ZGRF1: variants seen among roughly 807,000 people sequenced by gnomAD.
ZGRF1 encodes the protein 5'-3' DNA helicase ZGRF1.
In ZGRF1, 196 loss-of-function variants were observed where a neutral mutation model predicts 203.5. The observed-to-expected ratio is 0.96, with a 90% CI of 0.86 to 1.08. ZGRF1 has a LOEUF of 1.08. Among genes scored for constraint, ZGRF1 ranks in the 50% least tolerant of loss-of-function variants. The probability of loss-of-function intolerance (pLI) is 0.00; values close to 1 mark genes in which losing one functional copy is unlikely to be tolerated. For missense variants in ZGRF1, 2,326 were observed against 2,416.3 expected (o/e 0.96, Z 0.78); for synonymous variants, 809 against 841.3 (o/e 0.96, Z 0.66).
chr4:112,568,153 A>G (rs1743479097), intron 16 of ZGRF1, among the ~76,000 whole-genome samples: 1 of 152,124 alleles, frequency 6.6e-6, no homozygotes, highest in South Asian at 2.1e-4. Flanking sequence ...AAGTGCTAAT[A>G]TTTAAATAAT....
intron 6 of ZGRF1, among the ~76,000 whole-genome samples, chr4:112,614,623 C>G (rs1321702546): frequency 6.6e-6 from 1 of 152,072 alleles, no homozygotes; most frequent in East Asian, 1.9e-4. Context: ...GAGGTCAGTT[C>G]AAACCAGCCT....
At chr4:112,619,960 A>T (rs551665563) in intron 5 of ZGRF1, 42 bp downstream of exon 5, 1 of 1,433,262 alleles carries the variant, frequency 7.0e-7, no homozygotes, top group African/African-American at 1.5e-5. Context: ...AGACAATTTT[A>T]TAAATATATT....
intron 18 of ZGRF1, among the ~76,000 whole-genome samples, chr4:112,561,709 G>C (rs1206431541): frequency 2.0e-5 from 3 of 151,804 alleles, no homozygotes; most frequent in African/African-American, 7.3e-5. Context: ...AAAATCAGTA[G>C]CAATATACAC....
chr4:112,570,238 TA>T (rs35679160), intron 16 of ZGRF1, among the ~76,000 whole-genome samples: 1 of 150,746 alleles, frequency 6.6e-6, no homozygotes, highest in African/African-American at 2.4e-5. Context: ...ACTATGCCAT[TA>T]AAAAAAAACC....
intron 10 of ZGRF1, among the ~76,000 whole-genome samples, chr4:112,601,584 A>AC (rs1749986871): frequency 6.6e-6 from 1 of 151,458 alleles, no homozygotes; most frequent in African/African-American, 2.4e-5. Flanking sequence ...AAAAAAAAAA[A>AC]AAAATTAGCT....
intron 24 of ZGRF1, among the ~76,000 whole-genome samples, chr4:112,542,854 T>G (rs933556943): frequency 6.6e-6 from 1 of 151,714 alleles, no homozygotes; most frequent in Non-Finnish European, 1.5e-5. Context: ...GTCAGGATCC[T>G]GCTCTGTTGC....
At chr4:112,568,205 G>A (rs1743485927) in intron 16 of ZGRF1, among the ~76,000 whole-genome samples, 1 of 151,810 alleles carries the variant, frequency 6.6e-6, no homozygotes, top group Non-Finnish European at 1.5e-5. Flanking sequence ...AGATAAATAG[G>A]AAGCTTATTT....
intron 16 of ZGRF1, among the ~76,000 whole-genome samples, chr4:112,575,219 T>C (rs1033656406): frequency 1.3e-5 from 2 of 152,220 alleles, no homozygotes; most frequent in Non-Finnish European, 2.9e-5. Context: ...TACTTACTTA[T>C]ATGATTCCAA....
chr4:112,541,352 A>T, intron 24 of ZGRF1, 84 bp from the exon 25 acceptor site: 5 of 687,560 alleles, frequency 7.3e-6, no homozygotes, highest in Admixed American at 3.0e-5. Flanking sequence ...AATTAAAAAT[A>T]TCGCTATATT....
At chr4:112,634,595 G>A (rs2047518916) in intron 1 of ZGRF1, among the ~76,000 whole-genome samples, 1 of 151,946 alleles carries the variant, frequency 6.6e-6, no homozygotes, top group South Asian at 2.1e-4. Context: ...AGGCTGCAGT[G>A]AGCCGAGATC....
chr4:112,621,815 C>G (rs1204719786), intron 4 of ZGRF1, among the ~76,000 whole-genome samples: 1 of 151,644 alleles, frequency 6.6e-6, no homozygotes, highest in Non-Finnish European at 1.5e-5. Flanking sequence ...GAACCTCCGC[C>G]TCCCAGGTTC....
intron 19 of ZGRF1, among the ~76,000 whole-genome samples, chr4:112,559,494 T>TG (rs1251642338): frequency 6.6e-6 from 1 of 152,156 alleles, no homozygotes; most frequent in Non-Finnish European, 1.5e-5. Context: ...GGCCAAGCAA[T>TG]GGGTTTGACT....
intron 3 of ZGRF1, among the ~76,000 whole-genome samples, chr4:112,625,712 C>G (rs1375340337): frequency 2.0e-5 from 3 of 151,344 alleles, no homozygotes; most frequent in Non-Finnish European, 4.4e-5. Flanking sequence ...GCCTGACCAA[C>G]ACGGAGAAAC....
intron 10 of ZGRF1, among the ~76,000 whole-genome samples, chr4:112,598,755 A>G (rs1749457904): frequency 6.6e-6 from 1 of 152,184 alleles, no homozygotes; most frequent in Admixed American, 6.5e-5. Context: ...TTAATTTTAG[A>G]AAAATCATAA....
At chr4:112,577,648 A>C in intron 16 of ZGRF1, among the ~76,000 whole-genome samples, 1 of 122,882 alleles carries the variant, frequency 8.1e-6, no homozygotes, top group Non-Finnish European at 1.8e-5. Flanking sequence ...GATAAAACAG[A>C]CTTTAAACCA....
intron 15 of ZGRF1, among the ~76,000 whole-genome samples, chr4:112,582,484 C>A (rs763118329): frequency 3.3e-5 from 5 of 151,928 alleles, no homozygotes; most frequent in Non-Finnish European, 5.9e-5. Flanking sequence ...CAGAGTCTGG[C>A]TTTGTTGCCC....
At chr4:112,632,255 TA>T (rs2047435977) in intron 2 of ZGRF1, among the ~76,000 whole-genome samples, 2 of 150,526 alleles carry the variant, frequency 1.3e-5, no homozygotes, top group South Asian at 2.1e-4. Context: ...AGGGAGGGAA[TA>T]GGGGAGGAAA....
Position 112,603,595 on chromosome 4 carries a change from T to C in ZGRF1, c.2905A>G (p.Thr969Ala), listed in dbSNP as rs1264416852. 2 of 1,613,580 alleles carry C rather than the reference T, an allele frequency of 1.2e-6. No individual in the cohort carries two copies. The highest frequency in any genetic ancestry group is 1.7e-6 in the Non-Finnish European group (2 of 1,179,588). The change falls in exon 10 of 28, where the codon ACT becomes GCT. Residue 969 changes from threonine to alanine, a missense_variant. Physicochemically the swap from Thr to Ala is moderately conservative, Grantham distance 58. Transcript: ENST00000505019. ...TCTGTCATAAAGTTTTCATACTCAG[T>C]GCTATCTGGAAACTGACTGCATCCT... ...QLGCSQFPDS[T>A]EYENFMTETP...
At chr4:112,580,514 T>G (rs1410568386) in intron 16 of ZGRF1, among the ~76,000 whole-genome samples, 1 of 151,586 alleles carries the variant, frequency 6.6e-6, no homozygotes, top group Non-Finnish European at 1.5e-5. Context: ...GAGAAAATTT[T>G]TGCAATCTAC....
Sources: gnomAD v4.1 joint callset for allele counts (sites outside exome capture counted in the v4.1 genomes callset) on GRCh38, gnomAD v4.1.1 for gene constraint, MANE v1.5 for transcripts, NCBI Gene and HGNC (gene_info 2026-07-23, HGNC 2026-07-21) for gene names.